Variants in TMC1 observed in about 807,000 individuals in gnomAD.
TMC1 encodes the protein transmembrane channel-like protein 1.
In TMC1, 84 loss-of-function variants were observed where a neutral mutation model predicts 105.8. The ratio of observed to expected loss-of-function variants is 0.79; its 90% confidence interval spans 0.67 to 0.95. The LOEUF is 0.95. Among genes scored for constraint, TMC1 ranks in the 40% least tolerant of loss-of-function variants. TMC1 has a pLI of 0.00. For missense variants in TMC1, 817 were observed against 914.1 expected (o/e 0.89, Z 1.37); for synonymous variants, 315 against 311.5 (o/e 1.01, Z -0.12).
chr9:72,555,973 C>CAAAAAAAAAGAAAAAAAAA (rs1823930859), intron 1 of TMC1, among the ~76,000 whole-genome samples: 1 of 42,568 alleles, frequency 2.3e-5, no homozygotes, highest in African/African-American at 9.5e-5. Context: ...ATGACTAAGG[C>CAAAAAAAAAGAAAAAAAAA]AAAAAAAAAA....
chr9:72,546,892 G>C (rs368703521), intron 1 of TMC1, among the ~76,000 whole-genome samples: 2 of 152,188 alleles, frequency 1.3e-5, no homozygotes, highest in African/African-American at 2.4e-5. Flanking sequence ...AAACTTTACT[G>C]TGTGCATAGC....
intron 8 of TMC1, among the ~76,000 whole-genome samples, chr9:72,729,504 A>C (rs1281532514): frequency 6.6e-6 from 1 of 152,166 alleles, no homozygotes; most frequent in African/African-American, 2.4e-5. Context: ...ACCAAAGGCA[A>C]TTATCAAGTA....
intron 8 of TMC1, among the ~76,000 whole-genome samples, chr9:72,730,666 G>A (rs960338230): frequency 2.0e-5 from 3 of 152,238 alleles, no homozygotes; most frequent in East Asian, 3.9e-4. Flanking sequence ...TGATTCAAGT[G>A]CATTACATTT....
chr9:72,530,046 A>G (rs533424744), intron 1 of TMC1, among the ~76,000 whole-genome samples: 1 of 152,328 alleles, frequency 6.6e-6, no homozygotes, highest in South Asian at 2.1e-4. Context: ...ATCATGTTAA[A>G]GAGGGAATAA....
At chr9:72,795,012 A>T (rs1249430322) in intron 17 of TMC1, among the ~76,000 whole-genome samples, 1 of 152,220 alleles carries the variant, frequency 6.6e-6, no homozygotes, top group African/African-American at 2.4e-5. Flanking sequence ...GAATAAACCA[A>T]GCTGAGGAAA....
At chr9:72,719,143 G>C (rs183792002) in intron 8 of TMC1, among the ~76,000 whole-genome samples, 1 of 152,140 alleles carries the variant, frequency 6.6e-6, no homozygotes, top group South Asian at 2.1e-4. Context: ...GAAAGCAAGC[G>C]GGGCTTTTGT....
At chr9:72,542,320 G>A (rs1053217726) in intron 1 of TMC1, among the ~76,000 whole-genome samples, 1 of 152,300 alleles carries the variant, frequency 6.6e-6, no homozygotes, top group African/African-American at 2.4e-5. Context: ...AATTAGCCGG[G>A]TGTGGTGGCA....
chr9:72,607,002 T>TATATAGAGAGAGAGAGAGAGAGAGAG (rs372785242), intron 2 of TMC1, among the ~76,000 whole-genome samples: 2 of 134,906 alleles, frequency 1.5e-5, no homozygotes, highest in South Asian at 2.5e-4. Context: ...TATATATATA[T>TATATAGAGAGAGAGAGAGAGAGAGAG]AGAGAGAGAG....
chr9:72,701,918 A>T (rs557602382), intron 8 of TMC1, among the ~76,000 whole-genome samples: 1 of 152,246 alleles, frequency 6.6e-6, no homozygotes, highest in Non-Finnish European at 1.5e-5. Context: ...TTGCATGCTC[A>T]TGTACACATC....
chr9:72,811,962 A>G (rs1182878601), intron 18 of TMC1, among the ~76,000 whole-genome samples: 1 of 152,210 alleles, frequency 6.6e-6, no homozygotes, highest in Non-Finnish European at 1.5e-5. Context: ...CCTACTTTAC[A>G]GTAAACTGAG....
At chr9:72,662,684 ACAG>A (rs1825986595) in intron 5 of TMC1, among the ~76,000 whole-genome samples, 1 of 152,202 alleles carries the variant, frequency 6.6e-6, no homozygotes, top group Non-Finnish European at 1.5e-5. Context: ...TAATTAATAA[ACAG>A]CAGATTCAAA....
Position 72,772,430 on chromosome 9 carries a change from C to T in TMC1, c.759C>T (p.Ser253=), listed in dbSNP as rs143200611. 58 of 1,613,816 alleles carry T rather than the reference C, an allele frequency of 3.6e-5. No individual in the cohort carries two copies. The East Asian group carries it at 4.2e-4, about 12-fold the overall frequency. The part of the protein sequence containing the change: ...LYDFNGLAQY[S]VLFYGYYDNK... The stretch of plus-strand genomic sequence containing the variant: ...GATTTCAGGGTTTGGCACAATATTC[C>T]GTTCTCTTTTATGGCTATTATGACA... The change falls in exon 13 of 24, where the codon TCC becomes TCT. Residue 253 remains serine, a synonymous_variant. Transcript: ENST00000297784.
intron 10 of TMC1, among the ~76,000 whole-genome samples, chr9:72,744,860 A>G (rs977685726): frequency 1.3e-5 from 2 of 152,222 alleles, no homozygotes; most frequent in Non-Finnish European, 2.9e-5. Flanking sequence ...TTTTATTGCC[A>G]GAAATTGCAT....
At chr9:72,597,267 G>C (rs1004160601) in intron 2 of TMC1, among the ~76,000 whole-genome samples, 1 of 152,250 alleles carries the variant, frequency 6.6e-6, no homozygotes, top group African/African-American at 2.4e-5. Context: ...TGCAGGTGCT[G>C]TTCACATGCG....
chr9:72,530,063 AT>A lies in TMC1; in HGVS notation c.-428+8151del, dbSNP rs1823473353. 2.6e-5 allele frequency among the ~76,000 whole-genome samples: 4 copies of A among 152,302 alleles called. No homozygotes were observed. The South Asian group carries it at 8.3e-4, about 32-fold the overall frequency. On this transcript the variant is annotated intron_variant, in intron 1 of 23. Transcript: ENST00000297784. ...CATGTTAAAGAGGGAATAAAGGAAT[AT>A]CATTATAGTGTATCTGGGCAGGTGG... is the stretch of plus-strand genomic sequence containing the variant.
chr9:72,778,353 G>A (rs1296031323), intron 13 of TMC1, among the ~76,000 whole-genome samples: 1 of 152,132 alleles, frequency 6.6e-6, no homozygotes, highest in Non-Finnish European at 1.5e-5. Flanking sequence ...GTTAGAGGAA[G>A]CTTGGAATGC....
chr9:72,712,930 T>G (rs1264207376), intron 8 of TMC1, among the ~76,000 whole-genome samples: 1 of 152,224 alleles, frequency 6.6e-6, no homozygotes, highest in Non-Finnish European at 1.5e-5. Flanking sequence ...TAGCTCTTAT[T>G]ATTTTGAGAT....
At chr9:72,781,750 A>G (rs1828096577) in intron 13 of TMC1, among the ~76,000 whole-genome samples, 1 of 152,176 alleles carries the variant, frequency 6.6e-6, no homozygotes, top group African/African-American at 2.4e-5. Context: ...TAACCTCCCA[A>G]GATTGAACCA....
intron 18 of TMC1, among the ~76,000 whole-genome samples, chr9:72,812,752 G>A (rs1828726117): frequency 6.6e-6 from 1 of 152,216 alleles, no homozygotes; most frequent in African/African-American, 2.4e-5. Context: ...TGAGAAATGG[G>A]ATTTATGTGC....
Sources: allele counts gnomAD v4.1 joint callset (sites outside exome capture counted in the v4.1 genomes callset), GRCh38; gene constraint gnomAD v4.1.1; transcripts MANE v1.5; gene names NCBI Gene and HGNC (gene_info 2026-07-23, HGNC 2026-07-21).